Variants in RPS6KA2 observed in about 807,000 individuals in gnomAD.
The protein encoded by RPS6KA2 is ribosomal protein S6 kinase alpha-2.
In RPS6KA2, 42 loss-of-function variants were observed where a neutral mutation model predicts 91.8. The observed-to-expected ratio is 0.46, with a 90% CI of 0.36 to 0.59. RPS6KA2 has a LOEUF of 0.59. RPS6KA2 is among the 20% of genes least tolerant of loss of function. RPS6KA2 has a pLI of 0.00. For synonymous variants in RPS6KA2, 414 were observed against 393.6 expected (o/e 1.05, Z -0.61); for missense variants, 798 against 978.5 (o/e 0.82, Z 2.46).
chr6:166,755,620 T>C (rs1777987308), intron 2 of RPS6KA2, among the ~76,000 whole-genome samples: 2 of 152,206 alleles, frequency 1.3e-5, no homozygotes, highest in African/African-American at 2.4e-5. Flanking sequence ...GCACCATGGC[T>C]GCTGCGCTCC....
intron 2 of RPS6KA2, among the ~76,000 whole-genome samples, chr6:166,804,941 C>T (rs746934364): frequency 1.3e-5 from 2 of 152,182 alleles, no homozygotes; most frequent in Non-Finnish European, 2.9e-5. Context: ...GTAGTCAAGG[C>T]AGCAGGATTA....
chr6:166,860,972 C>T (rs1221642360), intron 1 of RPS6KA2, among the ~76,000 whole-genome samples: 1 of 152,180 alleles, frequency 6.6e-6, no homozygotes, highest in Non-Finnish European at 1.5e-5. Flanking sequence ...CAGGTACTTT[C>T]CATGAGCAGC....
rs1177773315 is a variant in RPS6KA2 at position 166,417,573 on chromosome 6, C to T, written c.1938+652G>A. Among the ~76,000 whole-genome samples the T allele has an allele frequency of 4.6e-5, 7 of 152,142 alleles. No individual in the cohort carries two copies. In the South Asian group the frequency reaches 1.5e-3, roughly 32 times the overall value. On this transcript the variant is annotated intron_variant, in intron 19 of 20. Transcript: ENST00000265678. Reference sequence around the variant, plus strand: ...CCCTGCAGTCACAGACTTCCCCGTCCCCACAATCACGTGAGCCAATTTCTT... The same window carrying T: ...CCCTGCAGTCACAGACTTCCCCGTCTCCACAATCACGTGAGCCAATTTCTT...
intron 6 of RPS6KA2, 148 bp from the exon 7 acceptor site, chr6:166,501,072 T>G (rs2128478313): frequency 2.0e-5 from 13 of 665,996 alleles, no homozygotes; most frequent in Non-Finnish European, 2.4e-5. Flanking sequence ...TCCCCACGGC[T>G]TGTGCGGTGG....
chr6:166,771,720 G>T (rs150897609), intron 2 of RPS6KA2, among the ~76,000 whole-genome samples: 9 of 152,194 alleles, frequency 5.9e-5, no homozygotes, highest in Non-Finnish European at 1.2e-4. Context: ...TGCCCCTACT[G>T]ATGACTGCGG....
rs201166462 is a variant in RPS6KA2 at position 166,462,123 on chromosome 6, T to TTC, written c.973-2574_973-2573dup. On this transcript the variant is annotated intron_variant, in intron 11 of 20. Coordinates refer to ENST00000265678, the MANE Select transcript of RPS6KA2 (RefSeq NM_021135.6). ...GGAGACCCTGGCCCTGCCTGCTTCC[T>TTC]TCTCTACCTCACCCTTCCTGCCTTG... is the stretch of plus-strand genomic sequence containing the variant. 7.3e-3 allele frequency among the ~76,000 whole-genome samples: 1,114 copies of TTC among 152,330 alleles called. 16 individuals are homozygous for TTC. The highest frequency in any genetic ancestry group is 0.026 in the African/African-American group (1,070 of 41,584).
At chr6:166,469,777 T>C in intron 11 of RPS6KA2, 64 bp downstream of exon 11, 1 of 1,427,462 alleles carries the variant, frequency 7.0e-7, no homozygotes. Context: ...CACCAAGCCG[T>C]ATGTTCCCTC....
At chr6:166,831,771 A>G (rs542363457) in intron 2 of RPS6KA2, among the ~76,000 whole-genome samples, 2 of 148,234 alleles carry the variant, frequency 1.3e-5, no homozygotes, top group Admixed American at 1.4e-4. Flanking sequence ...AGAATTACAT[A>G]CTAGATAGAT....
At position 166,409,746 on chromosome 6, in the gene RPS6KA2, C is replaced by T. The variant is rs539560870; in HGVS notation, c.*3016G>A. On this transcript the variant is annotated 3_prime_UTR_variant, in exon 21 of 21. Transcript: ENST00000265678. Reference sequence around the variant, plus strand: ...GGCAGCAAAACGTGTCAGAAATGAACGGAGTGCAAATCAAACTTTGCCATG... The same window carrying T: ...GGCAGCAAAACGTGTCAGAAATGAATGGAGTGCAAATCAAACTTTGCCATG... The T allele has an allele frequency of 2.2e-4, 33 of 152,716 alleles. No individual in the cohort carries two copies. The highest frequency in any genetic ancestry group is 7.2e-4 in the African/African-American group (30 of 41,558). 9.5% of individuals were successfully genotyped at this position (152,716 alleles called of 1,614,324 possible). A position where few individuals can be genotyped will look rare whatever the true frequency, so the allele number is the denominator to read the frequency against.
At chr6:166,451,331 CCGTG>C in intron 12 of RPS6KA2, 98 bp from the exon 13 acceptor site, 1 of 1,153,426 alleles carries the variant, frequency 8.7e-7, no homozygotes, top group Non-Finnish European at 1.2e-6. Context: ...GTGTGCAAGT[CCGTG>C]TGTGTGTGTG....
intron 1 of RPS6KA2, among the ~76,000 whole-genome samples, chr6:166,564,488 C>T (rs1015993382): frequency 3.3e-5 from 5 of 152,192 alleles, no homozygotes; most frequent in Admixed American, 6.5e-5. Flanking sequence ...ATTCCCTGTC[C>T]GCCCCACGCC....
At chr6:166,501,526 G>A (rs551231156) in intron 6 of RPS6KA2, among the ~76,000 whole-genome samples, 13 of 152,314 alleles carry the variant, frequency 8.5e-5, no homozygotes, top group Admixed American at 7.8e-4. Flanking sequence ...CTGGGTCCCT[G>A]TCTTGTTCCC....
intron 2 of RPS6KA2, among the ~76,000 whole-genome samples, chr6:166,800,591 T>C (rs79964029): frequency 6.6e-6 from 1 of 152,142 alleles, no homozygotes; most frequent in South Asian, 2.1e-4. Context: ...GGGTTCTGTC[T>C]TGGAAGCAGA....
At chr6:166,527,628 TCA>T (rs1228496907) in intron 3 of RPS6KA2, among the ~76,000 whole-genome samples, 3 of 152,218 alleles carry the variant, frequency 2.0e-5, no homozygotes, top group East Asian at 1.9e-4. Context: ...TTTAGGATAT[TCA>T]CAGAGTTGTG....
intron 1 of RPS6KA2, among the ~76,000 whole-genome samples, chr6:166,617,262 A>G (rs867626728): frequency 3.3e-4 from 50 of 152,320 alleles, no homozygotes; most frequent in African/African-American, 1.2e-3. Flanking sequence ...CTGTTTTTCT[A>G]TTTCTTAAAA....
At chr6:166,760,143 C>T (rs894411534) in intron 2 of RPS6KA2, among the ~76,000 whole-genome samples, 4 of 152,122 alleles carry the variant, frequency 2.6e-5, no homozygotes, top group African/African-American at 7.2e-5. Context: ...CCTATTCATT[C>T]GGTTGGCAAA....
chr6:166,606,797 T>C (rs150954141), intron 1 of RPS6KA2, among the ~76,000 whole-genome samples: 8 of 152,258 alleles, frequency 5.3e-5, no homozygotes, highest in Non-Finnish European at 1.0e-4. Flanking sequence ...CACCACTTCA[T>C]ACCCACCAGG....
At chr6:166,817,344 G>A (rs1196732372) in intron 2 of RPS6KA2, among the ~76,000 whole-genome samples, 1 of 151,994 alleles carries the variant, frequency 6.6e-6, no homozygotes, top group Non-Finnish European at 1.5e-5. Flanking sequence ...ACCACTGTAA[G>A]GTTAGATGGG....
intron 2 of RPS6KA2, among the ~76,000 whole-genome samples, chr6:166,743,180 T>C (rs58132487): frequency 0.12 from 16,639 of 144,608 alleles, 3,078 homozygotes; most frequent in African/African-American, 0.41. Flanking sequence ...CAGCCAGCAT[T>C]AAACTTGCAA....
Sources: gnomAD v4.1 joint callset for allele counts (sites outside exome capture counted in the v4.1 genomes callset) on GRCh38, gnomAD v4.1.1 for gene constraint, MANE v1.5 for transcripts, NCBI Gene and HGNC (gene_info 2026-07-23, HGNC 2026-07-21) for gene names.